Variants in DNMBP observed in about 807,000 individuals in gnomAD.
The protein encoded by DNMBP is dynamin binding protein, also known as dynamin-binding protein.
A neutral mutation model predicts 150.0 loss-of-function variants in DNMBP; 87 were observed. That is an observed-to-expected ratio of 0.58 (90% CI 0.49 to 0.69). The LOEUF (loss-of-function observed/expected upper bound fraction) is 0.69. Ranked by LOEUF, DNMBP falls within the 30% of genes least tolerant of loss-of-function variation. DNMBP has a pLI of 0.00. For synonymous variants in DNMBP, 711 were observed against 750.4 expected, an observed-to-expected ratio of 0.95 and a Z score of 0.86; for missense variants, 1,774 against 1,949.0, an observed-to-expected ratio of 0.91 and a Z score of 1.69.
chr10:99,969,045 T>A (rs763699177), intron 3 of DNMBP, 70 bp downstream of exon 3: 3 of 1,585,204 alleles, frequency 1.9e-6, no homozygotes, highest in East Asian at 2.2e-5. Context: ...TCAAAAAGGA[T>A]CTGGTTGTCG....
At chr10:99,986,346 GA>G (rs1046247547) in intron 1 of DNMBP, among the ~76,000 whole-genome samples, 4 of 150,480 alleles carry the variant, frequency 2.7e-5, no homozygotes, top group African/African-American at 9.8e-5. Flanking sequence ...CCCATCTCTG[GA>G]AAAAAAAATT....
Position 99,880,308 on chromosome 10 carries a change from T to TGCGGCGAGGATTGTAGGGCTTTA in DNMBP, c.4028_4050dup (p.Ser1351Ter). ...CTACCCACGGAGGCATCGGAGTGGC[T>TGCGGCGAGGATTGTAGGGCTTTA]GCGGCGAGGATTGTAGGGCTTTAGG... is the stretch of plus-strand genomic sequence containing the variant. On this transcript the variant is annotated stop_gained and frameshift_variant, in exon 16 of 17. Transcript: ENST00000324109. LOFTEE classifies it high-confidence loss of function. 6.2e-7 allele frequency: 1 copy of TGCGGCGAGGATTGTAGGGCTTTA among 1,612,552 alleles called. No homozygotes were observed. The highest frequency in any genetic ancestry group is 8.5e-7 in the Non-Finnish European group (1 of 1,179,624).
chr10:99,953,549 C>T (rs1254276104), intron 4 of DNMBP, among the ~76,000 whole-genome samples: 2 of 152,028 alleles, frequency 1.3e-5, no homozygotes, highest in Non-Finnish European at 2.9e-5. Flanking sequence ...AATCTACTCC[C>T]TTGGCCAGGC....
intron 4 of DNMBP, among the ~76,000 whole-genome samples, chr10:99,917,985 A>AG (rs201518517): frequency 6.9e-6 from 1 of 145,674 alleles, no homozygotes. Context: ...AAAAAAAAAA[A>AG]AAAAAGAAAA....
chr10:99,915,315 G>A (rs564251042), intron 4 of DNMBP, among the ~76,000 whole-genome samples: 1 of 151,288 alleles, frequency 6.6e-6, no homozygotes, highest in African/African-American at 2.4e-5. Flanking sequence ...GTTTGTCTCA[G>A]GGAAGGACCT....
At chr10:99,911,011 G>A (rs1769254168) in intron 4 of DNMBP, among the ~76,000 whole-genome samples, 1 of 151,900 alleles carries the variant, frequency 6.6e-6, no homozygotes. Context: ...AGGCCGAGGT[G>A]GGTAGATCAC....
rs2039866565 is a variant in DNMBP at position 99,909,067 on chromosome 10, C to T, written c.2340G>A (p.Arg780=). Residue 780 remains arginine, a synonymous_variant, in exon 5 of 17, where the codon AGG becomes AGA. Coordinates refer to ENST00000324109, the MANE Select transcript of DNMBP (RefSeq NM_015221.4). ...TGACCTTGGCTCTCTTCTCCAGCAT[C>T]CTCTGCTCTGGATTTTCGGCAGACA... ...GSVSAENPEQ[R]MLEKRAKVIE... 1 of 1,614,180 alleles carries T rather than the reference C, an allele frequency of 6.2e-7. No homozygotes were observed. The highest frequency in any genetic ancestry group is 1.3e-5 in the African/African-American group (1 of 75,038).
intron 2 of DNMBP, among the ~76,000 whole-genome samples, chr10:99,970,490 A>G (rs189869309): frequency 1.3e-5 from 2 of 152,316 alleles, no homozygotes; most frequent in Non-Finnish European, 2.9e-5. Flanking sequence ...TGGGCCAGCC[A>G]TGGATCCAAG....
At chr10:99,911,126 A>T (rs1279270728) in intron 4 of DNMBP, among the ~76,000 whole-genome samples, 1 of 152,182 alleles carries the variant, frequency 6.6e-6, no homozygotes, top group Admixed American at 6.5e-5. Context: ...CTATAGTCCC[A>T]GCTACTCAGG....
intron 6 of DNMBP, among the ~76,000 whole-genome samples, chr10:99,907,329 A>C (rs1358154139): frequency 6.7e-6 from 1 of 148,496 alleles, no homozygotes; most frequent in East Asian, 2.0e-4. Flanking sequence ...ATCCTGTGTC[A>C]AAAAAAAAAC....
At chr10:99,887,352 C>G (rs2039485268) in intron 12 of DNMBP, among the ~76,000 whole-genome samples, 1 of 152,234 alleles carries the variant, frequency 6.6e-6, no homozygotes, top group Admixed American at 6.5e-5. Context: ...CCTGGCAAAA[C>G]CCCGTCTCTA....
intron 1 of DNMBP, among the ~76,000 whole-genome samples, chr10:99,978,205 G>A (rs1403715525): frequency 2.6e-5 from 4 of 152,092 alleles, no homozygotes; most frequent in Non-Finnish European, 5.9e-5. Flanking sequence ...CCGAATTCAG[G>A]CCTGTTTGAT....
At chr10:100,004,141 A>G (rs2041044793) in intron 1 of DNMBP, among the ~76,000 whole-genome samples, 1 of 150,430 alleles carries the variant, frequency 6.6e-6, no homozygotes, top group Admixed American at 6.6e-5. Context: ...GCTACTTGGG[A>G]GGCTAGAATG....
intron 4 of DNMBP, among the ~76,000 whole-genome samples, chr10:99,922,145 C>A (rs1488498045): frequency 6.6e-6 from 1 of 152,098 alleles, no homozygotes; most frequent in African/African-American, 2.4e-5. Flanking sequence ...TATGTACAGC[C>A]ACGGGCACTT....
Position 99,998,452 on chromosome 10 carries a change from C to T in DNMBP, c.-11+11386G>A, listed in dbSNP as rs540945937. On this transcript the variant is annotated intron_variant, in intron 1 of 16. Transcript: ENST00000324109. ...AACATTAGCCGGGTATAGTGGCACA[C>T]GCCTGTAATGCCAGCTACTCAGGAG... Among the ~76,000 whole-genome samples, 137 of 151,736 alleles carry T rather than the reference C, an allele frequency of 9.0e-4. 1 individual carries two copies. The highest frequency in any genetic ancestry group is 3.1e-3 in the African/African-American group (129 of 41,390).
At chr10:99,909,277 C>T (rs2039871580) in intron 4 of DNMBP, 131 bp from the exon 5 acceptor site, 3 of 697,136 alleles carry the variant, frequency 4.3e-6, no homozygotes, top group South Asian at 1.9e-5. Context: ...GAAATCAGAT[C>T]GCACATGTCA....
chr10:100,002,697 G>A (rs1425179921), intron 1 of DNMBP, among the ~76,000 whole-genome samples: 1 of 151,886 alleles, frequency 6.6e-6, no homozygotes, highest in African/African-American at 2.4e-5. Context: ...TATATGTAGG[G>A]TTAATAAATA....
intron 4 of DNMBP, among the ~76,000 whole-genome samples, chr10:99,954,542 C>T (rs893744217): frequency 2.6e-5 from 4 of 151,038 alleles, no homozygotes; most frequent in East Asian, 2.0e-4. Flanking sequence ...GTCAGGAGTT[C>T]GAGACCAGCC....
intron 1 of DNMBP, among the ~76,000 whole-genome samples, chr10:99,988,844 TA>T (rs1564755495): frequency 3.3e-5 from 5 of 152,102 alleles, no homozygotes; most frequent in Admixed American, 2.0e-4. Context: ...GTATTTTTAG[TA>T]GAGATGGGGT....
Sources: gnomAD v4.1 joint callset for allele counts (sites outside exome capture counted in the v4.1 genomes callset) on GRCh38, gnomAD v4.1.1 for gene constraint, MANE v1.5 for transcripts, NCBI Gene and HGNC (gene_info 2026-07-23, HGNC 2026-07-21) for gene names.